LEPROTL1: variants seen among roughly 807,000 people sequenced by gnomAD.
LEPROTL1 encodes leptin receptor overlapping transcript-like 1.
LEPROTL1 carries 6 observed loss-of-function variants against 15.4 expected under a neutral mutation model. That is an observed-to-expected ratio of 0.39 (90% CI 0.21 to 0.77). LEPROTL1 has a LOEUF of 0.77. Ranked by LOEUF, LEPROTL1 falls within the 30% of genes least tolerant of loss-of-function variation. The probability of loss-of-function intolerance (pLI) is 0.41; values close to 1 mark genes in which losing one functional copy is unlikely to be tolerated. For synonymous variants in LEPROTL1, 56 were observed against 52.6 expected, an observed-to-expected ratio of 1.06 and a Z score of -0.28; for missense variants, 128 against 158.1, an observed-to-expected ratio of 0.81 and a Z score of 1.02.
chr8:30,105,312 G>A (rs1802544897), intron 3 of LEPROTL1, among the ~76,000 whole-genome samples: 1 of 152,062 alleles, frequency 6.6e-6, no homozygotes, highest in South Asian at 2.1e-4. Flanking sequence ...TCTGTGATAT[G>A]CTAAAATTTA....
intron 4 of LEPROTL1, among the ~76,000 whole-genome samples, chr8:30,134,434 C>CAA (rs994330428): frequency 3.6e-5 from 5 of 137,336 alleles, no homozygotes; most frequent in African/African-American, 1.3e-4. Flanking sequence ...AAAAACAAAA[C>CAA]AAAAAAAAAA....
At chr8:30,127,254 C>G (rs1050192331) in intron 3 of LEPROTL1, among the ~76,000 whole-genome samples, 1 of 152,096 alleles carries the variant, frequency 6.6e-6, no homozygotes, top group Non-Finnish European at 1.5e-5. Context: ...CTTAGCTTAC[C>G]CTCCTCTTAG....
Position 30,106,587 on chromosome 8 carries a change from A to C in LEPROTL1, c.*725A>C. 1.0e-6 allele frequency: 1 copy of C among 984,170 alleles called. No homozygotes were observed. The highest frequency in any genetic ancestry group is 1.1e-4 in the East Asian group (1 of 8,824). 61.0% of individuals were successfully genotyped at this position (984,170 alleles called of 1,614,324 possible). Reference sequence around the variant, plus strand: ...TTAAACTTTAAGGTAAGGGTGTAAAAACATTTTTGAGATAAGGTTTTTATT... The same window carrying C: ...TTAAACTTTAAGGTAAGGGTGTAAACACATTTTTGAGATAAGGTTTTTATT... On this transcript the variant is annotated 3_prime_UTR_variant, in exon 4 of 4. Transcript: ENST00000321250.
chr8:30,129,549 A>G (rs952380390), intron 3 of LEPROTL1, among the ~76,000 whole-genome samples: 3 of 152,106 alleles, frequency 2.0e-5, no homozygotes, highest in African/African-American at 7.2e-5. Flanking sequence ...TGCTAAAAAT[A>G]CAAAAATTAG....
At chr8:30,134,929 G>C (rs1803106721) in intron 4 of LEPROTL1, among the ~76,000 whole-genome samples, 1 of 152,014 alleles carries the variant, frequency 6.6e-6, no homozygotes, top group African/African-American at 2.4e-5. Flanking sequence ...ACCCAGGCTG[G>C]AGTGCAGTGG....
At position 30,132,316 on chromosome 8, in the gene LEPROTL1, C is replaced by T. The variant is rs147712548; in HGVS notation, c.280-59C>T. On this transcript the variant is annotated intron_variant, in intron 3 of 4. Coordinates refer to the LEPROTL1 transcript ENST00000442880. ...CTGGAATACAAGCCGTCGGAGCCAT[C>T]GAGCTGTGCTTTGGTTCCACTTTCT... The T allele has an allele frequency of 1.9e-3, 3,025 of 1,551,762 alleles. 23 individuals carry two copies. Among genetic ancestry groups the T allele is most frequent in the South Asian group, 0.015 (1,223 of 84,066 alleles).
intron 3 of LEPROTL1, among the ~76,000 whole-genome samples, chr8:30,122,615 A>T (rs1317553834): frequency 6.6e-6 from 1 of 152,018 alleles, no homozygotes; most frequent in Non-Finnish European, 1.5e-5. Flanking sequence ...ACATGGTGAA[A>T]CTCCGTCTCT....
In LEPROTL1 at chr8:30,107,526, A is replaced by T. The variant is rs1322999436; in HGVS notation, c.*1664A>T. On this transcript the variant is annotated 3_prime_UTR_variant, in exon 4 of 4. Transcript: ENST00000321250. ...GATTTGTTCAGCTTTTTTACTAAAG[A>T]TGCCTAAAGCCACAGGTTTTATTGC... 1.0e-6 allele frequency: 1 copy of T among 985,770 alleles called. No homozygotes were observed. The highest frequency in any genetic ancestry group is 1.2e-6 in the Non-Finnish European group (1 of 829,950). The allele number at this position is 985,770 out of a possible 1,614,324, so 61.1% of individuals were successfully genotyped here.
chr8:30,135,460 T>C (rs1404444122), intron 4 of LEPROTL1, among the ~76,000 whole-genome samples: 1 of 152,180 alleles, frequency 6.6e-6, no homozygotes, highest in Non-Finnish European at 1.5e-5. Flanking sequence ...AGGCCCTGGC[T>C]GTAGGACTTT....
chr8:30,113,135 G>A (rs1802679480), downstream of LEPROTL1, among the ~76,000 whole-genome samples: 1 of 150,648 alleles, frequency 6.6e-6, no homozygotes. Flanking sequence ...AATTAGCCGG[G>A]TGTGGTGGCT....
downstream of LEPROTL1, among the ~76,000 whole-genome samples, chr8:30,108,755 G>A (rs534880705): frequency 6.6e-5 from 10 of 151,648 alleles, no homozygotes; most frequent in Admixed American, 3.3e-4. Flanking sequence ...AGCCTCCTAC[G>A]TAGCTGGGAT....
downstream of LEPROTL1, among the ~76,000 whole-genome samples, chr8:30,109,798 C>T (rs918985419): frequency 1.3e-5 from 2 of 152,064 alleles, no homozygotes; most frequent in Non-Finnish European, 2.9e-5. Context: ...TAGGGTGCCT[C>T]CTACCTCTTA....
At chr8:30,128,609 G>A (rs901757318) in intron 3 of LEPROTL1, among the ~76,000 whole-genome samples, 10 of 151,908 alleles carry the variant, frequency 6.6e-5, no homozygotes, top group African/African-American at 1.9e-4. Context: ...AAAATTAGCC[G>A]GACATAGTTG....
chr8:30,113,221 A>C (rs1802681225), downstream of LEPROTL1, among the ~76,000 whole-genome samples: 1 of 152,176 alleles, frequency 6.6e-6, no homozygotes, highest in South Asian at 2.1e-4. Context: ...GGTTGCAGTA[A>C]GCCGAGATTG....
At chr8:30,110,549 C>T (rs1199361727), downstream of LEPROTL1, among the ~76,000 whole-genome samples, 1 of 152,026 alleles carries the variant, frequency 6.6e-6, no homozygotes, top group African/African-American at 2.4e-5. Flanking sequence ...TCCTGGCCAA[C>T]ATAGTGAAAC....
chr8:30,098,229 G>T (rs117311271), intron 1 of LEPROTL1, among the ~76,000 whole-genome samples: 2,191 of 152,130 alleles, frequency 0.014, 30 homozygotes, highest in South Asian at 0.074. Flanking sequence ...AAGGTATATA[G>T]GTAATAGTGA....
downstream of LEPROTL1, among the ~76,000 whole-genome samples, chr8:30,111,814 G>A (rs531474937): frequency 2.6e-4 from 40 of 152,320 alleles, no homozygotes; most frequent in South Asian, 8.1e-3. Context: ...AGGGTCACAG[G>A]ATGTGAGAAT....
intron 2 of LEPROTL1, among the ~76,000 whole-genome samples, chr8:30,103,423 A>G (rs1563213696): frequency 6.6e-6 from 1 of 152,180 alleles, no homozygotes; most frequent in Non-Finnish European, 1.5e-5. Context: ...GCATATATTC[A>G]ATTTTTAATT....
intron 3 of LEPROTL1, among the ~76,000 whole-genome samples, chr8:30,121,872 T>TG (rs1563217996): frequency 2.7e-5 from 4 of 150,906 alleles, no homozygotes. Flanking sequence ...TTTTTATCTT[T>TG]AAAAAAAAAT....
Sources: allele counts gnomAD v4.1 joint callset (sites outside exome capture counted in the v4.1 genomes callset), GRCh38; gene constraint gnomAD v4.1.1; transcripts MANE v1.5; gene names NCBI Gene and HGNC (gene_info 2026-07-23, HGNC 2026-07-21).